CDKL5: variants seen among roughly 807,000 people sequenced by gnomAD.
CDKL5 encodes the protein cyclin-dependent kinase-like 5.
CDKL5 carries 8 observed loss-of-function variants against 61.7 expected under a neutral mutation model. The ratio of observed to expected loss-of-function variants is 0.13; its 90% CI spans 0.08 to 0.23. CDKL5 has a LOEUF of 0.23. Among genes scored for constraint, CDKL5 ranks in the 10% least tolerant of loss-of-function variants. The pLI is 1.00. For missense variants in CDKL5, 440 were observed against 734.5 expected (o/e 0.60, Z 4.63); for synonymous variants, 275 against 272.3 (o/e 1.01, Z -0.10).
intron 14 of CDKL5, among the ~76,000 whole-genome samples, chrX:18,612,894 T>C (rs1053558086): frequency 4.6e-5 from 5 of 109,396 alleles, no homozygotes; most frequent in African/African-American, 1.7e-4. Flanking sequence ...TTATTTGTGT[T>C]AGAGAAAATG....
At chrX:18,561,167 AT>A (rs1316147012) in intron 3 of CDKL5, among the ~76,000 whole-genome samples, 2 of 111,652 alleles carry the variant, frequency 1.8e-5, no homozygotes, top group Non-Finnish European at 3.8e-5. Flanking sequence ...TGTGAATGGC[AT>A]TTTCCAGGGC....
At chrX:18,537,450 A>G (rs1157854646) in intron 3 of CDKL5, among the ~76,000 whole-genome samples, 1 of 112,208 alleles carries the variant, frequency 8.9e-6, no homozygotes, top group Non-Finnish European at 1.9e-5. Flanking sequence ...TAATTACAGT[A>G]TAGTATCGTA....
intron 1 of CDKL5, among the ~76,000 whole-genome samples, chrX:18,447,471 C>T (rs922811648): frequency 8.1e-5 from 9 of 111,727 alleles, no homozygotes; most frequent in African/African-American, 2.9e-4. Context: ...TGCTTTCTGG[C>T]TTCCCACCCC....
chrX:18,653,608 A>C, exon 22 of CDKL5: 1 of 1,136,622 alleles, frequency 8.8e-7, no homozygotes, highest in Non-Finnish European at 1.2e-6. Context: ...GAACCAATTA[A>C]CACCAATGAA....
chrX:18,504,515 C>T (rs1157743674), intron 1 of CDKL5, among the ~76,000 whole-genome samples: 2 of 112,172 alleles, frequency 1.8e-5, no homozygotes, highest in Admixed American at 1.9e-4. Context: ...ATTTTAAAAT[C>T]ACCTAATTAT....
chrX:18,653,263 G>A (rs1928123542), intron 21 of CDKL5, among the ~76,000 whole-genome samples: 1 of 111,656 alleles, frequency 9.0e-6, no homozygotes, highest in African/African-American at 3.3e-5. Flanking sequence ...TTGGCTCAAC[G>A]GTGGAAGAGA....
chrX:18,649,086 TA>T (rs1233948424), intron 20 of CDKL5, among the ~76,000 whole-genome samples: 1 of 108,343 alleles, frequency 9.2e-6, no homozygotes, highest in Non-Finnish European at 1.9e-5. Flanking sequence ...TTAGCCTTGA[TA>T]ACCTTAAGTA....
chrX:18,522,483 T>TA (rs1350774880), intron 3 of CDKL5, among the ~76,000 whole-genome samples: 3 of 106,734 alleles, frequency 2.8e-5, no homozygotes, highest in African/African-American at 1.0e-4. Flanking sequence ...TAGCTGGTAT[T>TA]ACAGATGTGC....
chrX:18,581,855 AT>A (rs779427191), intron 6 of CDKL5, 35 bp from the exon 7 acceptor site: 1 of 969,232 alleles, frequency 1.0e-6, no homozygotes, highest in Non-Finnish European at 1.5e-6. Flanking sequence ...AACATAGAAC[AT>A]TTTTACTAAT....
intron 1 of CDKL5, among the ~76,000 whole-genome samples, chrX:18,489,270 C>T (rs1038230925): frequency 9.0e-6 from 1 of 111,242 alleles, no homozygotes. Context: ...AGGGGATTCT[C>T]CTGCCTCAGC....
intron 16 of CDKL5, among the ~76,000 whole-genome samples, chrX:18,620,401 A>C (rs1256220572): frequency 5.3e-5 from 6 of 112,339 alleles, no homozygotes; most frequent in African/African-American, 1.9e-4. Context: ...CAGAATTCCT[A>C]CGTTGCCAGG....
At chrX:18,585,237 A>T (rs1432279026) in intron 8 of CDKL5, among the ~76,000 whole-genome samples, 2 of 110,726 alleles carry the variant, frequency 1.8e-5, no homozygotes, top group Admixed American at 9.6e-5. Context: ...CTACAAAAAA[A>T]TACAAAAATT....
intron 3 of CDKL5, among the ~76,000 whole-genome samples, chrX:18,513,451 C>T (rs1427912305): frequency 4.6e-5 from 5 of 109,884 alleles, no homozygotes. Context: ...CTTTATATGG[C>T]TTATGGTCTG....
intron 3 of CDKL5, among the ~76,000 whole-genome samples, chrX:18,536,432 GTTTTTTTTTTT>G (rs746308567): frequency 2.7e-4 from 11 of 40,552 alleles, no homozygotes; most frequent in African/African-American, 9.4e-4. Context: ...TTCAATACAG[GTTTTTTTTTTT>G]TTTTTTTTTT....
intron 3 of CDKL5, among the ~76,000 whole-genome samples, chrX:18,518,535 G>C (rs1272839597): frequency 1.8e-4 from 19 of 104,609 alleles, no homozygotes; most frequent in Admixed American, 3.1e-4. Context: ...CTCCCGAGTA[G>C]CTGGGACTAC....
At chrX:18,587,751 G>A (rs1925688241) in intron 8 of CDKL5, 2 of 438,619 alleles carry the variant, frequency 4.6e-6, no homozygotes, top group African/African-American at 2.4e-5. Flanking sequence ...TAACTAAATT[G>A]TTATTAAATT....
At chrX:18,613,396 A>G in intron 15 of CDKL5, 121 bp downstream of exon 15, 2 of 607,823 alleles carry the variant, frequency 3.3e-6, no homozygotes, top group Non-Finnish European at 5.0e-6. Flanking sequence ...TCTCTAGATA[A>G]ATTATTGAAT....
At chrX:18,588,895 C>CA (rs1229997297) in intron 9 of CDKL5, 2 of 104,341 alleles carry the variant, frequency 1.9e-5, no homozygotes, top group African/African-American at 7.1e-5. Context: ...GCCTGGGTGA[C>CA]AGAGTGAGAT....
chrX:18,590,104 G>A (rs1925780213), intron 9 of CDKL5, among the ~76,000 whole-genome samples: 1 of 111,356 alleles, frequency 9.0e-6, no homozygotes, highest in South Asian at 3.8e-4. Flanking sequence ...TCACTCTGAT[G>A]GTATTTTCTT....
Sources: allele counts gnomAD v4.1 joint callset (sites outside exome capture counted in the v4.1 genomes callset), GRCh38; gene constraint gnomAD v4.1.1; transcripts MANE v1.5; gene names NCBI Gene and HGNC (gene_info 2026-07-23, HGNC 2026-07-21).